The following UBE2O variants were observed in gnomAD, a reference collection of about 807,000 sequenced individuals.
The protein encoded by UBE2O is (E3-independent) E2 ubiquitin-conjugating enzyme.
A neutral mutation model predicts 125.8 loss-of-function variants in UBE2O; 15 were observed. The observed-to-expected ratio is 0.12, with a 90% confidence interval of 0.08 to 0.18. The LOEUF is 0.18. Among genes scored for constraint, UBE2O ranks in the 10% least tolerant of loss-of-function variants. The pLI is 1.00. For missense variants in UBE2O, 1,280 were observed against 1,723.6 expected (o/e 0.74, Z 4.56); for synonymous variants, 708 against 703.2 (o/e 1.01, Z -0.11).
At chr17:76,415,911 ACACATG>A (rs1365931612) in intron 1 of UBE2O, among the ~76,000 whole-genome samples, 5 of 151,936 alleles carry the variant, frequency 3.3e-5, no homozygotes, top group Admixed American at 2.6e-4. Flanking sequence ...ACAAATATAT[ACACATG>A]CACATACACG....
Position 76,396,664 on chromosome 17 carries a change from G to T in UBE2O, c.2273C>A (p.Pro758His). 1.2e-6 allele frequency: 2 copies of T among 1,613,596 alleles called. No homozygotes were observed. Among genetic ancestry groups the T allele is most frequent in the South Asian group, 2.2e-5 (2 of 91,068 alleles). The change falls in exon 14 of 18, where the codon CCC (proline) becomes CAC (histidine). Residue 758 changes from proline (P) to histidine (H), a missense_variant. Pro to His is a moderately conservative substitution (Grantham distance 77, BLOSUM62 -2). Coordinates refer to ENST00000319380, the MANE Select transcript of UBE2O (RefSeq NM_022066.4). This position sits in a 1 kb window ranked among gnomAD's most constrained non-coding sequence, Gnocchi z 6.7. ...VEDEHPKIEE[P>H]PIPPLEQPVA... is the part of the protein sequence containing the mutation. The stretch of plus-strand genomic sequence containing the variant: ...CGGCTGCTCCAGGGGTGGGATGGGG[G>T]GCTCCTCTATCTTGGGGTGCTCGTC...
chr17:76,406,811 C>T (rs944321785), intron 1 of UBE2O, among the ~76,000 whole-genome samples: 1 of 151,006 alleles, frequency 6.6e-6, no homozygotes, highest in Non-Finnish European at 1.5e-5. Context: ...GCAATTCTCC[C>T]GTCTCAGCCT....
In UBE2O at chr17:76,419,515, C is replaced by T. The variant is rs570108088; in HGVS notation, c.418-13943G>A. Among the ~76,000 whole-genome samples, 46 of 152,266 alleles carry T rather than the reference C, an allele frequency of 3.0e-4. 1 individual carries two copies. The highest frequency in any genetic ancestry group is 3.4e-3 in the Middle Eastern group (1 of 294). ...CGAGAGTTGACTGATGCCCACCCTT[C>T]GGCACTCCCTGACACACCCTTCCTG... On this transcript the variant is annotated intron_variant, in intron 1 of 17. Transcript: ENST00000319380.
Position 76,395,604 on chromosome 17 carries a change from G to T in UBE2O, c.2946+121C>A. ...GTGACCGCCCCTGTAAAAGGTGGGT[G>T]GGTGAGTGTCCTCGCAGGTGCCAGT... On this transcript the variant is annotated intron_variant, in intron 15 of 17. Transcript: ENST00000319380. This position sits in a 1 kb window ranked among gnomAD's most constrained non-coding sequence, Gnocchi z 5.0. The T allele has an allele frequency of 8.2e-7, 1 of 1,222,958 alleles. No homozygotes were observed. The highest frequency in any genetic ancestry group is 1.1e-6 in the Non-Finnish European group (1 of 879,128). The allele number at this position is 1,222,958 out of a possible 1,614,324, so 75.8% of individuals were successfully genotyped here.
chr17:76,400,473 T>TGG lies in UBE2O; in HGVS notation c.970_971dup (p.Pro325HisfsTer10). 6.2e-7 allele frequency: 1 copy of TGG among 1,612,890 alleles called. No homozygotes were observed. Among genetic ancestry groups the TGG allele is most frequent in the Non-Finnish European group, 8.5e-7 (1 of 1,179,600 alleles). Reference sequence around the variant, plus strand: ...GGTTTTCCTGGGTGATGACAGAGGGTGGGGGGCTGACGCTGTCCGTGCCCC... The same window carrying TGG: ...GGTTTTCCTGGGTGATGACAGAGGGTGGGGGGGGCTGACGCTGTCCGTGCCCC... On this transcript the variant is annotated frameshift_variant, in exon 7 of 18. Transcript: ENST00000319380. LOFTEE classifies it high-confidence loss of function. This position sits in a 1 kb window ranked among gnomAD's most constrained non-coding sequence, Gnocchi z 4.3.
chr17:76,391,204 C>G lies in UBE2O; in HGVS notation c.3618G>C (p.Gln1206His). The change falls in exon 18 of 18, where the codon CAG becomes CAC. Residue 1206 changes from glutamine to histidine, a missense_variant. This residue lies in a region of UBE2O where 233 missense variants were observed against 279.0 expected (regional missense o/e 0.84). Transcript: ENST00000319380. This position sits in a 1 kb window ranked among gnomAD's most constrained non-coding sequence, Gnocchi z 8.4. ...SQGSDSEGGA[Q>H]GLASASRDHT... Reference sequence around the variant, plus strand: ...GGTCCCTGCTAGCTGAGGCCAGGCCCTGGGCACCGCCCTCTGAGTCTGAGC... The same window carrying G: ...GGTCCCTGCTAGCTGAGGCCAGGCCGTGGGCACCGCCCTCTGAGTCTGAGC... 1 of 1,613,020 alleles carries G rather than the reference C, an allele frequency of 6.2e-7. No individual in the cohort carries two copies. Among genetic ancestry groups the G allele is most frequent in the East Asian group, 2.2e-5 (1 of 44,860 alleles).
In UBE2O at chr17:76,399,044, A is replaced by G; in HGVS notation, c.1629-53T>C. The G allele has an allele frequency of 6.3e-7, 1 of 1,593,254 alleles. No homozygotes were observed. Among genetic ancestry groups the G allele is most frequent in the South Asian group, 1.1e-5 (1 of 88,006 alleles). The stretch of plus-strand genomic sequence containing the variant: ...ATGCAAACCCCACCCCCTCCGCGGA[A>G]AGGGCAGAGAGTCTTTCTGTCCCTT... On this transcript the variant is annotated intron_variant, in intron 9 of 17. Coordinates refer to ENST00000319380, the MANE Select transcript of UBE2O (RefSeq NM_022066.4). This position sits in a 1 kb window ranked among gnomAD's most constrained non-coding sequence, Gnocchi z 6.9.
intron 1 of UBE2O, among the ~76,000 whole-genome samples, chr17:76,446,574 T>C (rs1387508773): frequency 6.6e-6 from 1 of 151,922 alleles, no homozygotes; most frequent in Non-Finnish European, 1.5e-5. Context: ...ACACGGAAAC[T>C]GAAGGGAACA....
At chr17:76,435,427 C>T (rs902017029) in intron 1 of UBE2O, among the ~76,000 whole-genome samples, 1 of 148,200 alleles carries the variant, frequency 6.7e-6, no homozygotes, top group African/African-American at 2.6e-5. Flanking sequence ...TACACACACA[C>T]ACACACACAC....
chr17:76,399,437 C>A lies in UBE2O; in HGVS notation c.1628+12G>T. 1 of 1,611,806 alleles carries A rather than the reference C, an allele frequency of 6.2e-7. No individual in the cohort carries two copies. Among genetic ancestry groups the A allele is most frequent in the Non-Finnish European group, 8.5e-7 (1 of 1,178,268 alleles). On this transcript the variant is annotated intron_variant, in intron 9 of 17. Transcript: ENST00000319380. This position sits in a 1 kb window ranked among gnomAD's most constrained non-coding sequence, Gnocchi z 6.9. ...CTGACGCCATTGGGGAGGGGCACAA[C>A]TCTGAGTTTACCTGTCCCCTGGCTT... is the stretch of plus-strand genomic sequence containing the variant.
chr17:76,433,607 CTTT>C (rs59625228), intron 1 of UBE2O, among the ~76,000 whole-genome samples: 3 of 150,358 alleles, frequency 2.0e-5, no homozygotes, highest in Non-Finnish European at 1.5e-5. Context: ...CTCAATAAAC[CTTT>C]TTTTTTTTAA....
intron 1 of UBE2O, among the ~76,000 whole-genome samples, chr17:76,443,022 T>C (rs1042903289): frequency 3.3e-5 from 5 of 152,160 alleles, no homozygotes; most frequent in Admixed American, 2.6e-4. Context: ...TTTGAGAAGA[T>C]TCAAGCTTAG....
intron 1 of UBE2O, among the ~76,000 whole-genome samples, chr17:76,435,319 G>A (rs1448010800): frequency 6.6e-6 from 1 of 152,036 alleles, no homozygotes; most frequent in Non-Finnish European, 1.5e-5. Context: ...TGGTAGGAGG[G>A]AGACAAACAT....
chr17:76,414,999 T>C (rs1156941728), intron 1 of UBE2O, among the ~76,000 whole-genome samples: 5 of 152,190 alleles, frequency 3.3e-5, no homozygotes, highest in Non-Finnish European at 5.9e-5. Flanking sequence ...GGCAGAAAAG[T>C]GATCAGCATG....
chr17:76,418,815 C>G (rs1306604471), intron 1 of UBE2O, among the ~76,000 whole-genome samples: 1 of 152,116 alleles, frequency 6.6e-6, no homozygotes, highest in Non-Finnish European at 1.5e-5. Flanking sequence ...GTGATCCACC[C>G]GCGTCGGCCT....
chr17:76,437,656 C>A (rs2143875864), intron 1 of UBE2O, among the ~76,000 whole-genome samples: 1 of 152,110 alleles, frequency 6.6e-6, no homozygotes. Context: ...CCCAAGCGAT[C>A]CTCCCTCTGG....
rs2072693718 is a variant in UBE2O at position 76,420,623 on chromosome 17, C to A, written c.418-15051G>T. On this transcript the variant is annotated intron_variant, in intron 1 of 17. Coordinates refer to ENST00000319380, the MANE Select transcript of UBE2O (RefSeq NM_022066.4). ...ACTCCTTACAACTCTGTAACTACAT[C>A]TTTGCGAGACAAACTGGGCTGGGGC... 3.3e-5 allele frequency among the ~76,000 whole-genome samples: 5 copies of A among 152,320 alleles called. No individual in the cohort carries two copies. The South Asian group carries it at 8.3e-4, about 25-fold the overall frequency.
At chr17:76,417,303 G>A (rs2072632538) in intron 1 of UBE2O, among the ~76,000 whole-genome samples, 1 of 152,258 alleles carries the variant, frequency 6.6e-6, no homozygotes, top group Admixed American at 6.5e-5. Context: ...ATGGCCCAAG[G>A]AGGCCCCCAT....
At chr17:76,406,423 CTG>C (rs900626264) in intron 1 of UBE2O, among the ~76,000 whole-genome samples, 1 of 152,086 alleles carries the variant, frequency 6.6e-6, no homozygotes, top group Non-Finnish European at 1.5e-5. Flanking sequence ...GGCTGGAGAG[CTG>C]TTTCCTCAAA....
Sources: allele counts gnomAD v4.1 joint callset (sites outside exome capture counted in the v4.1 genomes callset), GRCh38; gene constraint gnomAD v4.1.1; regional missense constraint gnomAD v4.1.1; non-coding constraint Gnocchi (gnomAD v3.1); transcripts MANE v1.5; gene names NCBI Gene and HGNC (gene_info 2026-07-23, HGNC 2026-07-21).